The following RAD51B variants were observed in gnomAD, a reference collection of about 807,000 sequenced individuals.
The protein encoded by RAD51B is DNA repair protein RAD51 homolog 2.
Under a neutral mutation model 42.2 loss-of-function variants are expected in RAD51B, and 38 were observed. The observed-to-expected ratio is 0.90, with a 90% confidence interval of 0.70 to 1.18. The LOEUF is 1.18. Ranked by LOEUF, RAD51B falls within the 50% of genes most tolerant of loss-of-function variation. RAD51B has a pLI of 0.00. For missense variants in RAD51B, 373 were observed against 400.7 expected, an observed-to-expected ratio of 0.93 and a Z score of 0.59; for synonymous variants, 154 against 145.2, an observed-to-expected ratio of 1.06 and a Z score of -0.43.
intron 7 of RAD51B, among the ~76,000 whole-genome samples, chr14:68,038,934 A>G (rs924553815): frequency 2.0e-5 from 3 of 152,180 alleles, no homozygotes; most frequent in African/African-American, 4.8e-5. Flanking sequence ...TGGAAATACT[A>G]TATAATGGTG....
chr14:67,923,306 T>C (rs1442153452), intron 7 of RAD51B, among the ~76,000 whole-genome samples: 1 of 147,946 alleles, frequency 6.8e-6, no homozygotes, highest in Non-Finnish European at 1.5e-5. Flanking sequence ...TTCTTTTTTT[T>C]TTTTTTTTTT....
chr14:68,339,652 A>G (rs1176472832), intron 8 of RAD51B: 5 of 203,192 alleles, frequency 2.5e-5, no homozygotes, highest in African/African-American at 1.2e-4. Context: ...GTGAAAAGCA[A>G]CAATTTTCAT....
chr14:68,029,957 T>C (rs1204737301), intron 7 of RAD51B, among the ~76,000 whole-genome samples: 1 of 152,232 alleles, frequency 6.6e-6, no homozygotes, highest in Non-Finnish European at 1.5e-5. Context: ...GAGCTCTTGG[T>C]TGACTGGGTA....
intron 7 of RAD51B, among the ~76,000 whole-genome samples, chr14:68,200,797 G>T (rs2079468691): frequency 6.6e-6 from 1 of 152,128 alleles, no homozygotes; most frequent in Admixed American, 6.5e-5. Context: ...GGGATCACAG[G>T]CATGTGCCAC....
intron 7 of RAD51B, among the ~76,000 whole-genome samples, chr14:68,098,225 A>G (rs1438968044): frequency 6.6e-6 from 1 of 152,230 alleles, no homozygotes; most frequent in African/African-American, 2.4e-5. Context: ...TGAATATAGA[A>G]TAGAATAAGT....
chr14:68,295,545 A>G (rs2081597879), intron 8 of RAD51B, among the ~76,000 whole-genome samples: 1 of 152,144 alleles, frequency 6.6e-6, no homozygotes, highest in Non-Finnish European at 1.5e-5. Context: ...ACCTTGTTCC[A>G]GCTAAGATAG....
intron 7 of RAD51B, among the ~76,000 whole-genome samples, chr14:68,122,968 C>G (rs985828347): frequency 1.3e-5 from 2 of 151,972 alleles, no homozygotes; most frequent in African/African-American, 4.8e-5. Context: ...CAAACACACA[C>G]ACACACACAC....
chr14:68,329,205 A>G (rs1332595270), intron 8 of RAD51B, among the ~76,000 whole-genome samples: 2 of 152,044 alleles, frequency 1.3e-5, no homozygotes, highest in Non-Finnish European at 2.9e-5. Flanking sequence ...ATGGGGTCTC[A>G]CTATGTTGCC....
chr14:68,273,028 C>G (rs2081151096), intron 7 of RAD51B, among the ~76,000 whole-genome samples: 1 of 151,908 alleles, frequency 6.6e-6, no homozygotes, highest in Non-Finnish European at 1.5e-5. Context: ...CGGCTTCTGC[C>G]CATGATGTCC....
At chr14:68,130,731 G>A (rs2077871897) in intron 7 of RAD51B, among the ~76,000 whole-genome samples, 1 of 152,138 alleles carries the variant, frequency 6.6e-6, no homozygotes, top group Non-Finnish European at 1.5e-5. Context: ...AATTTCAAAG[G>A]TGAAATGGTG....
At chr14:68,400,083 C>A (rs529601818) in intron 8 of RAD51B, among the ~76,000 whole-genome samples, 1 of 152,254 alleles carries the variant, frequency 6.6e-6, no homozygotes, top group East Asian at 1.9e-4. Context: ...CTTACCCAGG[C>A]CTGATTCTTC....
intron 8 of RAD51B, among the ~76,000 whole-genome samples, chr14:68,393,204 T>C (rs908781420): frequency 6.6e-6 from 1 of 152,180 alleles, no homozygotes; most frequent in Non-Finnish European, 1.5e-5. Context: ...TATTTAACAA[T>C]AGCAGAGAGT....
intron 10 of RAD51B, among the ~76,000 whole-genome samples, chr14:68,511,708 A>G (rs1885741132): frequency 6.6e-6 from 1 of 152,172 alleles, no homozygotes; most frequent in Admixed American, 6.5e-5. Context: ...AGAGTGTTGG[A>G]GCTGAGAGGG....
In RAD51B at chr14:68,291,972, T is replaced by G; in HGVS notation, c.845T>G (p.Leu282Arg). 2 of 1,612,098 alleles carry G rather than the reference T, an allele frequency of 1.2e-6. No homozygotes were observed. The highest frequency in any genetic ancestry group is 1.7e-6 in the Non-Finnish European group (2 of 1,178,202). Residue 282 changes from leucine (L) to arginine (R), a missense_variant, in exon 8 of 11, where the codon CTG (leucine) becomes CGG (arginine). Physicochemically the swap from Leu to Arg is moderately radical, Grantham distance 102 (BLOSUM62 -2). Coordinates refer to ENST00000471583, the MANE Select transcript of RAD51B (RefSeq NM_133510.4). Reference sequence around the variant, plus strand: ...GTGTCTCCAGCTGATGATTTGTCCCTGTCTGAAGGTAAGGAATCTGTCCTG... The same window carrying G: ...GTGTCTCCAGCTGATGATTTGTCCCGGTCTGAAGGTAAGGAATCTGTCCTG... Reference protein sequence around the residue: ...DLVSPADDLSLSEGTSGSSCV... With the variant: ...DLVSPADDLSRSEGTSGSSCV...
intron 7 of RAD51B, among the ~76,000 whole-genome samples, chr14:68,087,801 TTTA>T (rs1484246062): frequency 1.4e-5 from 2 of 141,174 alleles, no homozygotes; most frequent in Admixed American, 7.4e-5. Flanking sequence ...AAATAATTAT[TTTA>T]TTGACTTAAA....
At chr14:68,466,846 C>T (rs1307807320) in intron 9 of RAD51B, among the ~76,000 whole-genome samples, 2 of 152,196 alleles carry the variant, frequency 1.3e-5, no homozygotes, top group South Asian at 2.1e-4. Flanking sequence ...AAATTGTAGG[C>T]TCTGCCATAG....
At chr14:68,631,375 A>G (rs549795950) in intron 10 of RAD51B, among the ~76,000 whole-genome samples, 14 of 152,266 alleles carry the variant, frequency 9.2e-5, no homozygotes, top group Non-Finnish European at 1.5e-4. Context: ...ATAACATGCA[A>G]GTGTACTGCT....
intron 7 of RAD51B, among the ~76,000 whole-genome samples, chr14:67,939,423 G>T (rs747433710): frequency 2.0e-5 from 3 of 152,174 alleles, no homozygotes; most frequent in Non-Finnish European, 4.4e-5. Context: ...TAAGTGAAAT[G>T]CTTGATTCCT....
At chr14:68,218,917 A>C (rs2079869955) in intron 7 of RAD51B, among the ~76,000 whole-genome samples, 1 of 152,242 alleles carries the variant, frequency 6.6e-6, no homozygotes, top group African/African-American at 2.4e-5. Flanking sequence ...GGACAGTGAT[A>C]GGGGAGCAGA....
Sources: gnomAD v4.1 joint callset for allele counts (sites outside exome capture counted in the v4.1 genomes callset) on GRCh38, gnomAD v4.1.1 for gene constraint, MANE v1.5 for transcripts, NCBI Gene and HGNC (gene_info 2026-07-23, HGNC 2026-07-21) for gene names.